The following PHF24 variants were observed in gnomAD, a reference collection of about 807,000 sequenced individuals.
The protein encoded by PHF24 is Galpha inhibitory interacting protein.
A neutral mutation model predicts 42.6 loss-of-function variants in PHF24; 25 were observed. That is an observed-to-expected ratio of 0.59 (90% CI 0.43 to 0.82). PHF24 has a LOEUF of 0.82. Ranked by LOEUF, PHF24 falls within the 40% of genes least tolerant of loss-of-function variation. The pLI, the probability that PHF24 is intolerant of heterozygous loss-of-function variation, is 0.00. For synonymous variants in PHF24, 185 were observed against 204.8 expected (o/e 0.90, Z 0.83); for missense variants, 470 against 538.1 (o/e 0.87, Z 1.25).
chr9:34,835,547 T>C, the PHF24 span: 1 of 1,551,792 alleles, frequency 6.4e-7, no homozygotes. Flanking sequence ...ATTCAAGTGA[T>C]GCTGGCCTTG....
At chr9:34,734,039 C>T in the PHF24 span, among the ~76,000 whole-genome samples, 6 of 152,194 alleles carry the variant, frequency 3.9e-5, 1 homozygote, top group Admixed American at 2.0e-4. Context: ...ATTACTTTCA[C>T]TCTTACAACA....
the PHF24 span, among the ~76,000 whole-genome samples, chr9:34,684,972 C>T: frequency 6.6e-6 from 1 of 152,072 alleles, no homozygotes; most frequent in Non-Finnish European, 1.5e-5. Flanking sequence ...TACCCTGATC[C>T]TTAGAGGTTC....
chr9:34,746,811 G>A, the PHF24 span, among the ~76,000 whole-genome samples: 1 of 152,146 alleles, frequency 6.6e-6, no homozygotes, highest in African/African-American at 2.4e-5. Flanking sequence ...GGCATCATCA[G>A]TCTTGATATT....
the PHF24 span, among the ~76,000 whole-genome samples, chr9:34,861,918 A>T: frequency 6.6e-6 from 1 of 152,228 alleles, no homozygotes; most frequent in African/African-American, 2.4e-5. Context: ...GTCTTAGACT[A>T]TTCAGGCTGC....
the PHF24 span, among the ~76,000 whole-genome samples, chr9:34,749,258 A>G: frequency 1.3e-5 from 2 of 152,184 alleles, no homozygotes; most frequent in East Asian, 1.9e-4. Context: ...ATCGGTCTGA[A>G]AGAGGCGATA....
chr9:34,884,113 G>A, the PHF24 span, among the ~76,000 whole-genome samples: 1 of 152,122 alleles, frequency 6.6e-6, no homozygotes, highest in African/African-American at 2.4e-5. Flanking sequence ...ACTATCACGA[G>A]GACAGAAAAC....
chr9:34,680,208 C>A, the PHF24 span, among the ~76,000 whole-genome samples: 3 of 152,074 alleles, frequency 2.0e-5, no homozygotes, highest in Non-Finnish European at 2.9e-5. Context: ...AACCCCATCT[C>A]TACTAAAAAT....
At chr9:34,849,772 C>T in the PHF24 span, among the ~76,000 whole-genome samples, 1 of 152,148 alleles carries the variant, frequency 6.6e-6, no homozygotes, top group Non-Finnish European at 1.5e-5. Flanking sequence ...GTGCTTCCTT[C>T]AGGAGCTCTT....
the PHF24 span, among the ~76,000 whole-genome samples, chr9:34,924,405 CT>C: frequency 5.9e-3 from 897 of 152,242 alleles, 3 homozygotes; most frequent in Non-Finnish European, 9.8e-3. Flanking sequence ...GTATAAGGGT[CT>C]ATCTCTCTAG....
At chr9:34,941,384 AT>A in the PHF24 span, among the ~76,000 whole-genome samples, 2 of 152,186 alleles carry the variant, frequency 1.3e-5, no homozygotes, top group African/African-American at 4.8e-5. Context: ...AGTGGGTCTC[AT>A]GTCTGGATGC....
chr9:34,679,305 G>A, the PHF24 span, among the ~76,000 whole-genome samples: 2 of 152,188 alleles, frequency 1.3e-5, no homozygotes, highest in Non-Finnish European at 2.9e-5. Context: ...CTTGCTTCTG[G>A]GTCATTGTCA....
At chr9:34,767,253 A>C in the PHF24 span, among the ~76,000 whole-genome samples, 8,182 of 152,266 alleles carry the variant, frequency 0.054, 307 homozygotes, top group Middle Eastern at 0.095. Context: ...AAGGACATTT[A>C]AGTCTGCAGA....
At chr9:34,674,930 G>A in the PHF24 span, among the ~76,000 whole-genome samples, 3 of 152,160 alleles carry the variant, frequency 2.0e-5, no homozygotes, top group African/African-American at 4.8e-5. Flanking sequence ...GCAGTGGCGT[G>A]ATCTCGGCTC....
At chr9:34,937,192 T>C in the PHF24 span, among the ~76,000 whole-genome samples, 1 of 151,892 alleles carries the variant, frequency 6.6e-6, no homozygotes, top group East Asian at 1.9e-4. Flanking sequence ...ATAATGGCGG[T>C]TTTGTGGAAT....
At chr9:34,976,739 A>C in exon 5 of PHF24, 3 of 1,612,926 alleles carry the variant, frequency 1.9e-6, no homozygotes, top group South Asian at 2.2e-5. Flanking sequence ...TTGCGTCCCC[A>C]GGTGAGGGCC....
chr9:34,775,884 T>C, the PHF24 span, among the ~76,000 whole-genome samples: 90 of 152,360 alleles, frequency 5.9e-4, no homozygotes, highest in African/African-American at 2.0e-3. Context: ...CATTGTTGTA[T>C]ATCCATATAT....
At chr9:34,944,889 T>TAAAAAAAAAAAAAAA in the PHF24 span, among the ~76,000 whole-genome samples, 1 of 129,186 alleles carries the variant, frequency 7.7e-6, no homozygotes. Flanking sequence ...CTTGTCTCTT[T>TAAAAAAAAAAAAAAA]AAAAAAAAAA....
chr9:34,926,182 A>T, the PHF24 span, among the ~76,000 whole-genome samples: 3 of 152,238 alleles, frequency 2.0e-5, no homozygotes, highest in Non-Finnish European at 4.4e-5. The surrounding 1 kb of genome is among the most constrained non-coding windows in gnomAD (Gnocchi z 4.3). Context: ...ATGTGTGTGC[A>T]TATGGTGAGT....
At chr9:34,936,696 A>G in the PHF24 span, among the ~76,000 whole-genome samples, 2 of 141,866 alleles carry the variant, frequency 1.4e-5, no homozygotes, top group Non-Finnish European at 1.5e-5. Flanking sequence ...ATCGTCTGAG[A>G]TGTGGGGAGC....
Sources: allele counts gnomAD v4.1 joint callset (sites outside exome capture counted in the v4.1 genomes callset), GRCh38; gene constraint gnomAD v4.1.1; non-coding constraint Gnocchi (gnomAD v3.1); transcripts MANE v1.5; gene names NCBI Gene and HGNC (gene_info 2026-07-23, HGNC 2026-07-21).